The following ROBO2 variants were observed in gnomAD, a reference collection of about 807,000 sequenced individuals.
The protein encoded by ROBO2 is roundabout guidance receptor 2.
In ROBO2, 53 loss-of-function variants were observed where a neutral mutation model predicts 160.8. That is an observed-to-expected ratio of 0.33 (90% CI 0.26 to 0.41). The LOEUF (loss-of-function observed/expected upper bound fraction) is 0.41, where lower values mean the gene tolerates loss of function less well. Among genes scored for constraint, ROBO2 ranks in the 10% least tolerant of loss-of-function variants. The pLI is 1.00. For missense variants in ROBO2, 1,577 were observed against 1,722.4 expected, an observed-to-expected ratio of 0.92 and a Z score of 1.49; for synonymous variants, 664 against 611.7, an observed-to-expected ratio of 1.09 and a Z score of -1.26.
intron 2 of ROBO2, among the ~76,000 whole-genome samples, chr3:76,098,614 G>C (rs1047494948): frequency 9.9e-6 from 1 of 101,300 alleles, no homozygotes; most frequent in South Asian, 3.8e-4. Context: ...TTTTTATATT[G>C]TTTGATTGAT....
intron 2 of ROBO2, among the ~76,000 whole-genome samples, chr3:76,151,522 G>T (rs1318331192): frequency 6.6e-6 from 1 of 152,098 alleles, no homozygotes; most frequent in Non-Finnish European, 1.5e-5. Flanking sequence ...ATTTCTGCTG[G>T]CTGGGGCTCC....
In ROBO2 at chr3:75,918,546, A is replaced by C. The variant is rs138009155; in HGVS notation, c.-14+11586A>C. 1.6e-3 allele frequency among the ~76,000 whole-genome samples: 238 copies of C among 152,174 alleles called. 1 individual carries two copies. Among genetic ancestry groups the C allele is most frequent in the African/African-American group, 5.5e-3 (229 of 41,518 alleles). ...TTTTTGCTTCCATATGAAATTTAAC[A>C]TAGTTTTTTTCTAGTTCTGTGAAGA... is the stretch of plus-strand genomic sequence containing the variant. On this transcript the variant is annotated intron_variant, in intron 1 of 26. Transcript: ENST00000487694.
intron 2 of ROBO2, among the ~76,000 whole-genome samples, chr3:76,651,273 C>G (rs1291787278): frequency 6.6e-6 from 1 of 152,076 alleles, no homozygotes; most frequent in Non-Finnish European, 1.5e-5. Flanking sequence ...AGGGTTCTAG[C>G]TCTAAGCGTC....
intron 2 of ROBO2, among the ~76,000 whole-genome samples, chr3:76,773,081 T>C (rs1403976302): frequency 6.6e-6 from 1 of 151,132 alleles, no homozygotes; most frequent in Non-Finnish European, 1.5e-5. Flanking sequence ...GTCACACATG[T>C]ACTTGAGACG....
At chr3:76,436,159 A>AACACACACACAC (rs3065704) in intron 2 of ROBO2, among the ~76,000 whole-genome samples, 8,073 of 140,564 alleles carry the variant, frequency 0.057, 812 homozygotes, top group African/African-American at 0.2. Context: ...TTAAAAGGAA[A>AACACACACACAC]ACACACACAC....
intron 2 of ROBO2, among the ~76,000 whole-genome samples, chr3:76,348,119 C>T (rs547270265): frequency 1.4e-4 from 20 of 142,690 alleles, no homozygotes; most frequent in African/African-American, 4.6e-4. Context: ...AAGCACTGTC[C>T]GCCATCATTC....
chr3:76,547,817 C>T (rs899574814), intron 2 of ROBO2, among the ~76,000 whole-genome samples: 5 of 152,180 alleles, frequency 3.3e-5, no homozygotes, highest in African/African-American at 1.2e-4. Flanking sequence ...ACAACAACAG[C>T]ATTATCTCTA....
intron 1 of ROBO2, among the ~76,000 whole-genome samples, chr3:77,085,818 G>GT (rs2069227763): frequency 1.3e-5 from 2 of 152,042 alleles, no homozygotes; most frequent in South Asian, 4.1e-4. Context: ...TCTAGGAAAA[G>GT]TTATTGCTTT....
At chr3:76,555,423 AGGAGAAGGG>A (rs2083710380) in intron 2 of ROBO2, among the ~76,000 whole-genome samples, 1 of 75,370 alleles carries the variant, frequency 1.3e-5, no homozygotes, top group Admixed American at 1.6e-4. Context: ...AGAAGAAAGA[AGGAGAAGGG>A]GAAGGGGAAG....
intron 2 of ROBO2, among the ~76,000 whole-genome samples, chr3:77,277,567 TC>T (rs2059972614): frequency 6.6e-6 from 1 of 152,126 alleles, no homozygotes; most frequent in African/African-American, 2.4e-5. Context: ...GGTTTTCTGT[TC>T]CTGTGTTAGT....
At chr3:76,495,213 C>CTTTTTT (rs35543664) in intron 2 of ROBO2, among the ~76,000 whole-genome samples, 3 of 136,296 alleles carry the variant, frequency 2.2e-5, no homozygotes, top group Admixed American at 7.5e-5. Context: ...TCTTCATTTC[C>CTTTTTT]TTTTTTTTTT....
intron 2 of ROBO2, among the ~76,000 whole-genome samples, chr3:76,383,954 A>G (rs1328002282): frequency 1.3e-5 from 2 of 152,206 alleles, no homozygotes; most frequent in East Asian, 1.9e-4. Context: ...TCACAGTGGC[A>G]GTGTCTGCAG....
At chr3:77,122,662 G>T (rs2074893319) in intron 2 of ROBO2, among the ~76,000 whole-genome samples, 1 of 152,046 alleles carries the variant, frequency 6.6e-6, no homozygotes, top group African/African-American at 2.4e-5. Flanking sequence ...TTTTTTAAAG[G>T]GATGACAACA....
intron 2 of ROBO2, among the ~76,000 whole-genome samples, chr3:76,514,505 A>G (rs1190747459): frequency 6.6e-6 from 1 of 152,206 alleles, no homozygotes; most frequent in African/African-American, 2.4e-5. Flanking sequence ...TCAATATTCA[A>G]TTGGAAATAT....
In ROBO2 at chr3:77,291,462, G is replaced by T. The variant is rs62249759; in HGVS notation, c.389-185952G>T. On this transcript the variant is annotated intron_variant, in intron 2 of 25. Transcript: ENST00000461745. ...ACCCCAGACATGAAGTAAAATTGAT[G>T]GTTAAACGGGTAGGCTGAGGCTAGA... Among the ~76,000 whole-genome samples the T allele has an allele frequency of 5.9e-3, 885 of 150,694 alleles. 11 individuals carry two copies. The highest frequency in any genetic ancestry group is 0.021 in the African/African-American group (849 of 40,808).
At chr3:76,092,404 A>G (rs1255892838) in intron 2 of ROBO2, among the ~76,000 whole-genome samples, 3 of 152,142 alleles carry the variant, frequency 2.0e-5, no homozygotes, top group African/African-American at 4.8e-5. Flanking sequence ...TAGCTAACCA[A>G]TCATCAAGGA....
chr3:76,793,619 T>A (rs1411028672), intron 2 of ROBO2, among the ~76,000 whole-genome samples: 1 of 151,888 alleles, frequency 6.6e-6, no homozygotes, highest in Non-Finnish European at 1.5e-5. Context: ...ATTATTATAC[T>A]GTAAGTTTTA....
At chr3:76,322,204 A>ATAT (rs1320119727) in intron 2 of ROBO2, among the ~76,000 whole-genome samples, 48 of 113,982 alleles carry the variant, frequency 4.2e-4, no homozygotes, top group African/African-American at 1.1e-3. Flanking sequence ...ATATATATAT[A>ATAT]ATATACACAC....
chr3:76,983,619 T>C (rs1434577558), intron 2 of ROBO2, among the ~76,000 whole-genome samples: 1 of 152,184 alleles, frequency 6.6e-6, no homozygotes, highest in Non-Finnish European at 1.5e-5. Context: ...GAATACTGTT[T>C]GTTTGGTTAA....
Sources: allele counts gnomAD v4.1 joint callset (sites outside exome capture counted in the v4.1 genomes callset), GRCh38; gene constraint gnomAD v4.1.1; transcripts MANE v1.5; gene names NCBI Gene and HGNC (gene_info 2026-07-23, HGNC 2026-07-21).